CNTNAP2: variants seen among roughly 807,000 people sequenced by gnomAD.
The protein encoded by CNTNAP2 is contactin-associated protein-like 2.
A neutral mutation model predicts 155.2 loss-of-function variants in CNTNAP2; 98 were observed. The observed-to-expected ratio is 0.63, with a 90% confidence interval of 0.54 to 0.75. The LOEUF (loss-of-function observed/expected upper bound fraction) is 0.75, where lower values mean the gene tolerates loss of function less well. Ranked by LOEUF, CNTNAP2 falls within the 30% of genes least tolerant of loss-of-function variation. CNTNAP2 has a pLI of 0.00. For synonymous variants in CNTNAP2, 651 were observed against 631.2 expected, an observed-to-expected ratio of 1.03 and a Z score of -0.47; for missense variants, 1,727 against 1,688.1, an observed-to-expected ratio of 1.02 and a Z score of -0.40.
Position 147,473,423 on chromosome 7 carries a change from G to A in CNTNAP2, c.1671-12512G>A, listed in dbSNP as rs1181940173. Among the ~76,000 whole-genome samples, 5 of 152,026 alleles carry A rather than the reference G, an allele frequency of 3.3e-5. 1 individual carries two copies. The East Asian group carries it at 7.7e-4, about 23-fold the overall frequency. On this transcript the variant is annotated intron_variant, in intron 10 of 23. Transcript: ENST00000361727. ...ACACAGAGCTCATGCCCACAGAGAC[G>A]CTCCTTTCAAATAGCGGCAGCACCG...
Position 148,416,202 on chromosome 7 carries a change from G to C in CNTNAP2, c.*586G>C, listed in dbSNP as rs1799984495. 6.6e-6 allele frequency: 1 copy of C among 151,790 alleles called. No individual in the cohort carries two copies. Among genetic ancestry groups the C allele is most frequent in the Non-Finnish European group, 1.4e-5 (1 of 69,262 alleles). 9.4% of individuals were successfully genotyped at this position (151,790 alleles called of 1,614,324 possible). ...AGAGCTCAATCTATGCCAGCTCTCT[G>C]GCATCTGGGGTTCCTGACTGATACC... On this transcript the variant is annotated 3_prime_UTR_variant, in exon 24 of 24. Coordinates refer to ENST00000361727, the MANE Select transcript of CNTNAP2 (RefSeq NM_014141.6).
intron 1 of CNTNAP2, among the ~76,000 whole-genome samples, chr7:146,308,067 C>T (rs951393255): frequency 7.0e-6 from 1 of 143,434 alleles, no homozygotes; most frequent in African/African-American, 2.7e-5. Context: ...AAAATTTTTA[C>T]AATCTACCCA....
intron 1 of CNTNAP2, among the ~76,000 whole-genome samples, chr7:146,179,330 AG>A (rs1257116099): frequency 6.6e-6 from 1 of 152,112 alleles, no homozygotes; most frequent in African/African-American, 2.4e-5. Context: ...ATACTTGGGG[AG>A]GGGGTGTAAT....
intron 8 of CNTNAP2, among the ~76,000 whole-genome samples, chr7:147,258,748 T>C (rs540912486): frequency 1.3e-5 from 2 of 152,298 alleles, no homozygotes; most frequent in South Asian, 2.1e-4. Flanking sequence ...CCTCCTAAAC[T>C]TGCAGTTCTT....
chr7:147,265,103 G>C (rs1804577206), intron 8 of CNTNAP2, among the ~76,000 whole-genome samples: 1 of 152,194 alleles, frequency 6.6e-6, no homozygotes, highest in Non-Finnish European at 1.5e-5. Context: ...AGGTAAGGGA[G>C]GAGTGAGAGT....
chr7:147,015,255 A>G (rs1157647125), intron 3 of CNTNAP2, among the ~76,000 whole-genome samples: 1 of 152,142 alleles, frequency 6.6e-6, no homozygotes. Context: ...CACTGCCCCA[A>G]TTTCTGGATC....
chr7:147,016,972 G>A (rs1331397159), intron 3 of CNTNAP2, among the ~76,000 whole-genome samples: 1 of 151,558 alleles, frequency 6.6e-6, no homozygotes, highest in Non-Finnish European at 1.5e-5. Flanking sequence ...GATGATTTGG[G>A]ATGCTTGAGA....
In CNTNAP2 at chr7:147,121,000, T is replaced by C; in HGVS notation, c.776T>C (p.Ile259Thr). Residue 259 changes from isoleucine to threonine, a missense_variant, in exon 6 of 24, where the codon ATA becomes ACA. Transcript: ENST00000361727. ...GCAGGAAGCAACCAGCTTGGCCCCATATATGGCCACACATCAGTGATGACA... is the reference window on the plus strand; with the variant it reads ...GCAGGAAGCAACCAGCTTGGCCCCACATATGGCCACACATCAGTGATGACA... ...LNLGSNQLGP[I>T]YGHTSVMTGS... is the part of the protein sequence containing the mutation. 6.2e-7 allele frequency: 1 copy of C among 1,613,792 alleles called. No individual in the cohort carries two copies.
chr7:147,715,045 T>C (rs1216981112), intron 13 of CNTNAP2, among the ~76,000 whole-genome samples: 1 of 152,170 alleles, frequency 6.6e-6, no homozygotes, highest in Non-Finnish European at 1.5e-5. Flanking sequence ...TATTCCCTGA[T>C]ATGCATATAC....
At chr7:146,224,857 C>T (rs1299332401) in intron 1 of CNTNAP2, among the ~76,000 whole-genome samples, 3 of 152,126 alleles carry the variant, frequency 2.0e-5, no homozygotes, top group African/African-American at 7.2e-5. Flanking sequence ...TCCTCATTAA[C>T]AGATGTGAAA....
intron 1 of CNTNAP2, among the ~76,000 whole-genome samples, chr7:146,288,754 C>T (rs1435589682): frequency 6.7e-6 from 1 of 149,882 alleles, no homozygotes; most frequent in African/African-American, 2.5e-5. Context: ...TTGTAATCTG[C>T]CTATAAGTGT....
At chr7:147,423,779 T>C (rs1797335163) in intron 10 of CNTNAP2, among the ~76,000 whole-genome samples, 1 of 152,166 alleles carries the variant, frequency 6.6e-6, no homozygotes, top group South Asian at 2.1e-4. Context: ...TCCATAATTG[T>C]GCTTCTCATT....
At chr7:147,834,844 G>A (rs571145866) in intron 13 of CNTNAP2, among the ~76,000 whole-genome samples, 1 of 152,256 alleles carries the variant, frequency 6.6e-6, no homozygotes, top group South Asian at 2.1e-4. Flanking sequence ...TCAATTTAAT[G>A]AGGGTTTTAG....
At chr7:146,359,664 A>G (rs1795053611) in intron 1 of CNTNAP2, among the ~76,000 whole-genome samples, 1 of 152,222 alleles carries the variant, frequency 6.6e-6, no homozygotes, top group East Asian at 1.9e-4. Flanking sequence ...TTCTGGAATT[A>G]TAGGCTCTGA....
rs60543561 is a variant in CNTNAP2, at chr7:147,314,645, TAA to T, written c.1498+14365_1498+14366del. ...GCTACATGCTTCAAAAAGTCAGCAA[TAA>T]AAAAAAAAATCCTTTAATATCTTTG... On this transcript the variant is annotated intron_variant, in intron 9 of 23. Coordinates refer to ENST00000361727, the MANE Select transcript of CNTNAP2 (RefSeq NM_014141.6). 2.2e-4 allele frequency among the ~76,000 whole-genome samples: 32 copies of T among 148,480 alleles called. 1 individual carries two copies. Among genetic ancestry groups the T allele is most frequent in the Middle Eastern group, 3.4e-3 (1 of 292 alleles).
chr7:146,722,655 C>T (rs1426951552), intron 1 of CNTNAP2, among the ~76,000 whole-genome samples: 4 of 151,664 alleles, frequency 2.6e-5, no homozygotes, highest in South Asian at 2.1e-4. Flanking sequence ...GGCATTATGC[C>T]AAAATTACAA....
At chr7:147,004,132 A>G (rs781690038) in intron 3 of CNTNAP2, among the ~76,000 whole-genome samples, 7 of 151,010 alleles carry the variant, frequency 4.6e-5, no homozygotes, top group Non-Finnish European at 7.4e-5. Context: ...GCGAGGAAAT[A>G]TATTTGGTTA....
rs564164003 is a variant in CNTNAP2, at chr7:147,569,220, G to A, written c.1897+6963G>A. 1.3e-4 allele frequency among the ~76,000 whole-genome samples: 20 copies of A among 152,192 alleles called. No individual in the cohort carries two copies. In the East Asian group the frequency reaches 1.7e-3, roughly 13 times the overall value. On this transcript the variant is annotated intron_variant, in intron 12 of 23. Coordinates refer to ENST00000361727, the MANE Select transcript of CNTNAP2 (RefSeq NM_014141.6). ...GAGCTTGTAACGGAAGTTTCTAAGC[G>A]CTTGCACTCAGTATTAGTATCGTAT...
At chr7:146,721,118 C>A (rs1429792197) in intron 1 of CNTNAP2, among the ~76,000 whole-genome samples, 4 of 128,632 alleles carry the variant, frequency 3.1e-5, no homozygotes, top group Admixed American at 8.1e-5. Flanking sequence ...TATATTCTCT[C>A]TATATATCCT....
Sources: allele counts gnomAD v4.1 joint callset (sites outside exome capture counted in the v4.1 genomes callset), GRCh38; gene constraint gnomAD v4.1.1; transcripts MANE v1.5; gene names NCBI Gene and HGNC (gene_info 2026-07-23, HGNC 2026-07-21).